Variants in PCDHA12 observed in about 807,000 individuals in gnomAD.
The protein encoded by PCDHA12 is protocadherin alpha-12.
Under a neutral mutation model 60.0 loss-of-function variants are expected in PCDHA12, and 44 were observed. That is an observed-to-expected ratio of 0.73 (90% CI 0.58 to 0.94). PCDHA12 has a LOEUF of 0.94. PCDHA12 is among the 40% of genes least tolerant of loss of function. The pLI is 0.00. For synonymous variants in PCDHA12, 569 were observed against 553.0 expected (o/e 1.03, Z -0.40); for missense variants, 1,276 against 1,239.7 (o/e 1.03, Z -0.44).
intron 1 of PCDHA12, among the ~76,000 whole-genome samples, chr5:140,964,896 G>A (rs868917865): frequency 6.6e-6 from 1 of 152,170 alleles, no homozygotes. Context: ...TAGGAGGCTG[G>A]GCGCTTCTCT....
chr5:140,969,371 T>C (rs2096324872), intron 1 of PCDHA12: 1 of 1,607,688 alleles, frequency 6.2e-7, no homozygotes, highest in Non-Finnish European at 8.5e-7. Context: ...AACTCATGCA[T>C]TTGTTACACA....
At chr5:140,964,266 A>G (rs1408040035) in intron 1 of PCDHA12, among the ~76,000 whole-genome samples, 1 of 152,230 alleles carries the variant, frequency 6.6e-6, no homozygotes, top group Admixed American at 6.5e-5. Context: ...CTCCTTAATA[A>G]TTAAGGCAGT....
intron 1 of PCDHA12, chr5:140,926,714 C>G: frequency 1.1e-6 from 1 of 951,084 alleles, no homozygotes; most frequent in Non-Finnish European, 1.4e-6. Context: ...TGGCCAGCCC[C>G]GGCAATGCCG....
intron 1 of PCDHA12, among the ~76,000 whole-genome samples, chr5:140,946,411 A>G (rs1554217552): frequency 1.1e-4 from 16 of 151,766 alleles, no homozygotes. Context: ...ATCATAGAAA[A>G]CAATATGGAG....
intron 1 of PCDHA12, among the ~76,000 whole-genome samples, chr5:140,962,298 A>T (rs2095671297): frequency 6.6e-6 from 1 of 152,204 alleles, no homozygotes; most frequent in South Asian, 2.1e-4. Context: ...ATATTCTATG[A>T]TTCTTGTTAG....
At chr5:140,999,033 G>A (rs1029128098) in intron 3 of PCDHA12, among the ~76,000 whole-genome samples, 6 of 152,148 alleles carry the variant, frequency 3.9e-5, no homozygotes, top group African/African-American at 1.4e-4. Context: ...TTGATACTTC[G>A]TCCAGTGTGC....
chr5:140,957,698 A>T (rs1554223065), intron 1 of PCDHA12, among the ~76,000 whole-genome samples: 1 of 152,174 alleles, frequency 6.6e-6, no homozygotes. Flanking sequence ...AATGAACATT[A>T]TGTAGTTTTT....
intron 1 of PCDHA12, among the ~76,000 whole-genome samples, chr5:140,941,150 G>A (rs894422349): frequency 1.1e-4 from 17 of 151,436 alleles, no homozygotes; most frequent in Non-Finnish European, 1.8e-4. Context: ...TAGTTTGGAG[G>A]CCCCATAAGA....
At position 140,917,079 on chromosome 5, in the gene PCDHA12, A is replaced by G. The variant is rs115825402; in HGVS notation, c.2367+39240A>G. Among the ~76,000 whole-genome samples the G allele has an allele frequency of 8.0e-3, 1,217 of 152,106 alleles. 6 individuals carry two copies. The highest frequency in any genetic ancestry group is 0.019 in the African/African-American group (785 of 41,476). On this transcript the variant is annotated intron_variant, in intron 1 of 3. Coordinates refer to ENST00000398631, the MANE Select transcript of PCDHA12 (RefSeq NM_018903.4). ...GCTACGACAGCACCGAGTTTAATGT[A>G]AAGTTCCCCAGTTGCTGTGCTTTAC... is the stretch of plus-strand genomic sequence containing the variant.
chr5:140,882,072 T>A (rs1340000642), intron 1 of PCDHA12: 5 of 861,462 alleles, frequency 5.8e-6, no homozygotes, highest in Non-Finnish European at 7.0e-6. Flanking sequence ...TTCATGCGCA[T>A]GGTGTCGCTC....
intron 1 of PCDHA12, chr5:140,927,237 G>A (rs1554204217): frequency 1.2e-6 from 2 of 1,614,110 alleles, no homozygotes; most frequent in Admixed American, 1.7e-5. Flanking sequence ...TTCACGTCCT[G>A]GACACCAATG....
chr5:140,923,200 G>C (rs2081224774), intron 1 of PCDHA12, among the ~76,000 whole-genome samples: 1 of 152,166 alleles, frequency 6.6e-6, no homozygotes, highest in Admixed American at 6.5e-5. Flanking sequence ...AGCAATTTGG[G>C]AGGCTAAGGT....
chr5:140,888,270 G>A (rs965190959), intron 1 of PCDHA12, among the ~76,000 whole-genome samples: 9 of 152,102 alleles, frequency 5.9e-5, no homozygotes. Flanking sequence ...ATAAGAAACA[G>A]TTTTGTCCCC....
rs567902726 is a variant in PCDHA12 at position 140,936,017 on chromosome 5, C to T, written c.2368-42932C>T. Among the ~76,000 whole-genome samples, 12 of 151,854 alleles carry T rather than the reference C, an allele frequency of 7.9e-5. No individual in the cohort carries two copies. The South Asian group carries it at 1.7e-3, about 21-fold the overall frequency. ...AAGCGATTCTCCCACCTCAGCCTCCCGAGTAGCGGGGATTACAGGCACCCA... is the reference window on the plus strand; with the variant it reads ...AAGCGATTCTCCCACCTCAGCCTCCTGAGTAGCGGGGATTACAGGCACCCA... On this transcript the variant is annotated intron_variant, in intron 1 of 3. Coordinates refer to ENST00000398631, the MANE Select transcript of PCDHA12 (RefSeq NM_018903.4).
At chr5:140,993,463 CACACACACACACACACACA>C (rs1563592092) in intron 3 of PCDHA12, among the ~76,000 whole-genome samples, 163 of 7,580 alleles carry the variant, frequency 0.022, 1 homozygote, top group African/African-American at 0.091. Context: ...CTTTCTTTCT[CACACACACACACACACACA>C]CACACACACA....
intron 3 of PCDHA12, among the ~76,000 whole-genome samples, chr5:141,008,500 A>C (rs2098379990): frequency 6.6e-6 from 1 of 152,072 alleles, no homozygotes; most frequent in African/African-American, 2.4e-5. Context: ...GGTATACTTT[A>C]TGGTGTGTCT....
At chr5:140,915,012 C>T (rs2076943122) in intron 1 of PCDHA12, among the ~76,000 whole-genome samples, 1 of 144,844 alleles carries the variant, frequency 6.9e-6, no homozygotes, top group Non-Finnish European at 1.5e-5. Context: ...GTGGCCTGAT[C>T]TTGGCTCACT....
chr5:140,983,221 A>G (rs1178098444), intron 3 of PCDHA12, among the ~76,000 whole-genome samples: 1 of 152,196 alleles, frequency 6.6e-6, no homozygotes, highest in Non-Finnish European at 1.5e-5. Context: ...TCCTAATCCA[A>G]ACTTTCAGGA....
intron 3 of PCDHA12, among the ~76,000 whole-genome samples, chr5:141,003,811 C>G (rs1490096042): frequency 1.3e-5 from 2 of 152,114 alleles, no homozygotes; most frequent in African/African-American, 4.8e-5. Context: ...AATCTGTAGT[C>G]TGGGAAGGGC....
Sources: gnomAD v4.1 joint callset for allele counts (sites outside exome capture counted in the v4.1 genomes callset) on GRCh38, gnomAD v4.1.1 for gene constraint, MANE v1.5 for transcripts, NCBI Gene and HGNC (gene_info 2026-07-23, HGNC 2026-07-21) for gene names.